Variants in DGKB observed in about 807,000 individuals in gnomAD.
DGKB encodes 90 kDa diacylglycerol kinase.
Under a neutral mutation model 114.3 loss-of-function variants are expected in DGKB, and 67 were observed. The observed-to-expected ratio is 0.59, with a 90% CI of 0.48 to 0.72. DGKB has a LOEUF of 0.72. Among genes scored for constraint, DGKB ranks in the 30% least tolerant of loss-of-function variants. DGKB has a pLI of 0.00. For synonymous variants in DGKB, 398 were observed against 323.1 expected, an observed-to-expected ratio of 1.23 and a Z score of -2.49; for missense variants, 907 against 975.2, an observed-to-expected ratio of 0.93 and a Z score of 0.93.
chr7:14,676,977 G>C (rs1489218258), intron 12 of DGKB, among the ~76,000 whole-genome samples: 1 of 151,532 alleles, frequency 6.6e-6, no homozygotes, highest in Non-Finnish European at 1.5e-5. Flanking sequence ...TTCATGTTAA[G>C]GGATTCAGTG....
intron 1 of DGKB, among the ~76,000 whole-genome samples, chr7:14,876,932 C>A (rs1329310097): frequency 7.2e-5 from 11 of 152,166 alleles, no homozygotes; most frequent in African/African-American, 2.7e-4. Context: ...GCAATATCCT[C>A]CAAATTCTGT....
chr7:14,539,592 T>A (rs921206821), intron 20 of DGKB, among the ~76,000 whole-genome samples: 3 of 152,152 alleles, frequency 2.0e-5, no homozygotes, highest in Admixed American at 6.5e-5. Context: ...CAAGGGTTTT[T>A]AAAAATCTCA....
intron 1 of DGKB, among the ~76,000 whole-genome samples, chr7:14,935,544 C>T (rs1456104076): frequency 6.6e-6 from 1 of 152,024 alleles, no homozygotes; most frequent in East Asian, 1.9e-4. Flanking sequence ...TAAATAGCAG[C>T]AGTAATTTTA....
intron 17 of DGKB, among the ~76,000 whole-genome samples, chr7:14,598,510 C>T (rs1448909441): frequency 6.6e-6 from 1 of 152,160 alleles, no homozygotes; most frequent in Non-Finnish European, 1.5e-5. Flanking sequence ...GTTGTGTTTA[C>T]TGATTTCTGC....
intron 20 of DGKB, among the ~76,000 whole-genome samples, chr7:14,516,009 T>C (rs1289644108): frequency 6.6e-6 from 1 of 152,074 alleles, no homozygotes; most frequent in Non-Finnish European, 1.5e-5. Context: ...CACCACCACC[T>C]GGCTAATTTG....
At chr7:14,343,870 A>G (rs1449595849) in intron 22 of DGKB, among the ~76,000 whole-genome samples, 1 of 148,292 alleles carries the variant, frequency 6.7e-6, no homozygotes, top group African/African-American at 2.4e-5. Context: ...CATATGACAC[A>G]TATATAACCA....
intron 23 of DGKB, among the ~76,000 whole-genome samples, chr7:14,329,787 C>T (rs1248280678): frequency 6.6e-6 from 1 of 151,900 alleles, no homozygotes; most frequent in Non-Finnish European, 1.5e-5. Flanking sequence ...TATGTGTCTA[C>T]TATTAGAAGG....
chr7:14,327,921 T>C (rs999743918), intron 23 of DGKB, among the ~76,000 whole-genome samples: 23 of 152,152 alleles, frequency 1.5e-4, no homozygotes, highest in African/African-American at 5.3e-4. Flanking sequence ...CAAGAGACCA[T>C]GGTTAGCTTA....
chr7:14,950,053 T>A (rs1184976094), intron 1 of DGKB, among the ~76,000 whole-genome samples: 1 of 151,782 alleles, frequency 6.6e-6, no homozygotes, highest in Non-Finnish European at 1.5e-5. Context: ...TATACATATG[T>A]AACAAACCTG....
intron 25 of DGKB, among the ~76,000 whole-genome samples, chr7:14,170,315 C>T (rs983141710): frequency 1.3e-5 from 2 of 152,136 alleles, no homozygotes; most frequent in Non-Finnish European, 2.9e-5. Flanking sequence ...GGGCAAGTTA[C>T]TTGACTTCTC....
intron 23 of DGKB, among the ~76,000 whole-genome samples, chr7:14,249,747 T>G (rs771211123): frequency 2.6e-5 from 4 of 152,196 alleles, no homozygotes; most frequent in Admixed American, 6.5e-5. Flanking sequence ...TAATTAAAGG[T>G]TTGTAATTTT....
At chr7:14,413,036 C>G (rs1163559740) in intron 21 of DGKB, among the ~76,000 whole-genome samples, 1 of 150,428 alleles carries the variant, frequency 6.6e-6, no homozygotes, top group African/African-American at 2.4e-5. Flanking sequence ...TTGAGTAATT[C>G]AAGTGAGAGA....
chr7:14,573,673 T>G (rs540358539), intron 20 of DGKB, among the ~76,000 whole-genome samples: 4 of 152,180 alleles, frequency 2.6e-5, no homozygotes, highest in African/African-American at 9.6e-5. Flanking sequence ...CTATTTCAAC[T>G]GCCATATAAT....
chr7:14,638,625 A>G (rs1274334249), intron 13 of DGKB, among the ~76,000 whole-genome samples: 1 of 152,180 alleles, frequency 6.6e-6, no homozygotes, highest in Non-Finnish European at 1.5e-5. Context: ...GCTGGGAGTG[A>G]TAAGAATAAT....
intron 20 of DGKB, among the ~76,000 whole-genome samples, chr7:14,481,292 A>G (rs1210322268): frequency 6.6e-6 from 1 of 151,836 alleles, no homozygotes; most frequent in East Asian, 1.9e-4. Context: ...AAATCTCCAA[A>G]TTTGCATTTT....
chr7:14,183,221 A>C (rs1333360405), intron 23 of DGKB, among the ~76,000 whole-genome samples: 1 of 152,236 alleles, frequency 6.6e-6, no homozygotes, highest in African/African-American at 2.4e-5. Context: ...GCCAAGGAAC[A>C]TATGAAATCC....
intron 21 of DGKB, among the ~76,000 whole-genome samples, chr7:14,428,250 C>T (rs745532210): frequency 4.6e-5 from 7 of 152,024 alleles, no homozygotes; most frequent in Admixed American, 1.3e-4. Flanking sequence ...TTTATCAGTT[C>T]TGTTCTCTGA....
chr7:14,229,816 T>A (rs1174885111), intron 23 of DGKB, among the ~76,000 whole-genome samples: 1 of 151,998 alleles, frequency 6.6e-6, no homozygotes, highest in Non-Finnish European at 1.5e-5. Context: ...TTATGATATA[T>A]TCCGTCCATG....
rs375635369 is a variant in DGKB at position 14,416,079 on chromosome 7, G to C, written c.1835+62082C>G. Among the ~76,000 whole-genome samples, 60 of 152,204 alleles carry C rather than the reference G, an allele frequency of 3.9e-4. 1 individual carries two copies. The East Asian group carries it at 0.011, about 28-fold the overall frequency. ...CTGCATAAATGTCTTCTTTTGAGAAGTGTCTGTTCATATACTTCGCCCACT... is the reference window on the plus strand; with the variant it reads ...CTGCATAAATGTCTTCTTTTGAGAACTGTCTGTTCATATACTTCGCCCACT... On this transcript the variant is annotated intron_variant, in intron 21 of 25. Coordinates refer to ENST00000402815, the MANE Select transcript of DGKB (RefSeq NM_001350709.2).
Sources: allele counts gnomAD v4.1 joint callset (sites outside exome capture counted in the v4.1 genomes callset), GRCh38; gene constraint gnomAD v4.1.1; transcripts MANE v1.5; gene names NCBI Gene and HGNC (gene_info 2026-07-23, HGNC 2026-07-21).